The following AXL variants were observed in gnomAD, a reference collection of about 807,000 sequenced individuals.
The protein encoded by AXL is AXL receptor tyrosine kinase, also known as tyrosine-protein kinase receptor UFO.
AXL carries 52 observed loss-of-function variants against 104.5 expected under a neutral mutation model. The observed-to-expected ratio is 0.50, with a 90% CI of 0.40 to 0.63. AXL has a LOEUF of 0.63. Ranked by LOEUF, AXL falls within the 20% of genes least tolerant of loss-of-function variation. The pLI, the probability that AXL is intolerant of heterozygous loss-of-function variation, is 0.00. For missense variants in AXL, 1,024 were observed against 1,188.5 expected (o/e 0.86, Z 2.04); for synonymous variants, 455 against 473.7 (o/e 0.96, Z 0.51).
At chr19:41,225,506 T>C (rs1339152827) in intron 4 of AXL, among the ~76,000 whole-genome samples, 1 of 152,204 alleles carries the variant, frequency 6.6e-6, no homozygotes, top group African/African-American at 2.4e-5. Context: ...TGTTACGTGG[T>C]GTGTGTCTCT....
intron 2 of AXL, 111 bp from the exon 3 acceptor site, chr19:41,221,035 C>G (rs935662096): frequency 1.7e-6 from 2 of 1,191,162 alleles, no homozygotes; most frequent in Admixed American, 2.4e-5. Flanking sequence ...GGACATACTT[C>G]GTGGTTGTCA....
chr19:41,243,124 T>C (rs1599736436), intron 11 of AXL, 109 bp downstream of exon 11: 3 of 1,519,564 alleles, frequency 2.0e-6, no homozygotes, highest in East Asian at 2.3e-5. Context: ...AGAATCAGAA[T>C]GAGGGCAAGG....
In AXL at chr19:41,231,303, G is replaced by A. The variant is rs775637645; in HGVS notation, c.783+5G>A. The A allele has an allele frequency of 6.2e-7, 1 of 1,609,414 alleles. No individual in the cohort carries two copies. The highest frequency in any genetic ancestry group is 2.2e-5 in the East Asian group (1 of 44,830). ...CTGACCCACTGCACCCTGCAGGTGA[G>A]ACTCCCAAACTTGGTTCATTTCAGT... On this transcript the variant is annotated splice_donor_5th_base_variant and intron_variant, in intron 6 of 19. Transcript: ENST00000301178.
chr19:41,230,551 T>C (rs936351292), intron 4 of AXL, among the ~76,000 whole-genome samples: 8 of 150,376 alleles, frequency 5.3e-5, no homozygotes, highest in Admixed American at 5.3e-4. Flanking sequence ...TGTGTCTGTG[T>C]GTATGAGTGT....
At chr19:41,257,470 C>CT (rs779094669) in intron 18 of AXL, 23 bp from the exon 19 acceptor site, 3 of 1,613,990 alleles carry the variant, frequency 1.9e-6, no homozygotes, top group East Asian at 4.5e-5. Context: ...GAGAGACTGT[C>CT]TAATTCCCTC....
rs750359676 is a variant in AXL, at chr19:41,238,029, C to T, written c.869C>T (p.Pro290Leu). The change falls in exon 7 of 20, where the codon CCC (proline) becomes CTC (leucine). Residue 290 changes from proline (P) to leucine (L), a missense_variant. Pro to Leu is a moderately conservative substitution (Grantham distance 98). This residue lies in a region of AXL where 332 missense variants were observed against 343.9 expected (regional missense o/e 0.97). Coordinates refer to ENST00000301178, the MANE Select transcript of AXL (RefSeq NM_021913.5). Reference protein sequence around the residue: ...EEPLTSQASVPPHQLRLGSLH... With the variant: ...EEPLTSQASVLPHQLRLGSLH... ...CCCCTCACCTCGCAAGCATCCGTGC[C>T]CCCCCATCAGCTTCGGCTAGGCAGC... is the stretch of plus-strand genomic sequence containing the variant. The T allele has an allele frequency of 1.2e-6, 2 of 1,613,924 alleles. No homozygotes were observed. The highest frequency in any genetic ancestry group is 8.5e-7 in the Non-Finnish European group (1 of 1,179,972).
rs201764420 is a variant in AXL at position 41,220,640 on chromosome 19, G to A, written c.90G>A (p.Thr30=). ...CGWACMAPRG[T]QAEESPFVGN... The stretch of plus-strand genomic sequence containing the variant: ...CTCTTCCCATCTCCCCTCCAGGCAC[G>A]CAGGCTGAAGAAAGTCCCTTCGTGG... Residue 30 remains threonine (T), a synonymous_variant, in exon 2 of 20, where the codon ACG becomes ACA. Transcript: ENST00000301178. The A allele has an allele frequency of 3.1e-5, 48 of 1,572,080 alleles. No homozygotes were observed. In the African/African-American group the frequency reaches 3.8e-4, roughly 12 times the overall value.
Position 41,219,464 on chromosome 19 carries a change from C to T in AXL, c.72C>T (p.Cys24=), listed in dbSNP as rs1389617751. 3 of 1,604,996 alleles carry T rather than the reference C, an allele frequency of 1.9e-6. No homozygotes were observed. The highest frequency in any genetic ancestry group is 2.2e-5 in the South Asian group (2 of 89,406). Residue 24 remains cysteine (C), a synonymous_variant, in exon 1 of 20, where the codon TGC becomes TGT. Coordinates refer to ENST00000301178, the MANE Select transcript of AXL (RefSeq NM_021913.5). ...GCTTGGCGCTGTGCGGCTGGGCGTG[C>T]ATGGCCCCCAGGGGTGAGTGATGGG... ...AWCLALCGWA[C]MAPRGTQAEE... is the part of the protein sequence containing the mutation.
chr19:41,245,763 G>GA (rs2034261644), intron 12 of AXL, among the ~76,000 whole-genome samples: 1 of 150,200 alleles, frequency 6.7e-6, no homozygotes, highest in Non-Finnish European at 1.5e-5. Flanking sequence ...TAGGGAAACT[G>GA]AAATCCAGAA....
chr19:41,238,875 T>C (rs182545171), intron 8 of AXL, among the ~76,000 whole-genome samples: 9 of 152,176 alleles, frequency 5.9e-5, no homozygotes, highest in Admixed American at 5.9e-4. Context: ...CAGATAGTTA[T>C]ATAGCACCTT....
intron 4 of AXL, 87 bp from the exon 5 acceptor site, chr19:41,230,880 A>C: frequency 7.2e-7 from 1 of 1,383,786 alleles, no homozygotes; most frequent in South Asian, 1.2e-5. Flanking sequence ...CTGGTCAGGC[A>C]GGCCATGGTA....
intron 12 of AXL, among the ~76,000 whole-genome samples, chr19:41,246,915 A>G (rs2034281527): frequency 6.6e-6 from 1 of 152,108 alleles, no homozygotes; most frequent in African/African-American, 2.4e-5. Flanking sequence ...AGCTCTTTCT[A>G]GTCCTCAATA....
intron 8 of AXL, 74 bp from the exon 9 acceptor site, chr19:41,239,090 C>T (rs1207225585): frequency 4.5e-6 from 7 of 1,549,770 alleles, no homozygotes; most frequent in Non-Finnish European, 2.6e-6. Context: ...AGAGATGGGG[C>T]ATTGAGCCCG....
rs1400494539 is a variant in AXL, at chr19:41,237,927, C to G, written c.784-17C>G. The G allele has an allele frequency of 6.2e-7, 1 of 1,610,796 alleles. No individual in the cohort carries two copies. The highest frequency in any genetic ancestry group is 8.5e-7 in the Non-Finnish European group (1 of 1,177,086). On this transcript the variant is annotated splice_polypyrimidine_tract_variant and intron_variant, in intron 6 of 19. Coordinates refer to ENST00000301178, the MANE Select transcript of AXL (RefSeq NM_021913.5). Reference sequence around the variant, plus strand: ...ATTGCTTGGCTGTCCCGTCCTCACACCCTTGCCTCTCCTCAGGCTGTGCTG... The same window carrying G: ...ATTGCTTGGCTGTCCCGTCCTCACAGCCTTGCCTCTCCTCAGGCTGTGCTG...
rs1391624174 is a variant in AXL at position 41,245,249 on chromosome 19, C to T, written c.1537+1542C>T. 1.3e-5 allele frequency among the ~76,000 whole-genome samples: 2 copies of T among 152,194 alleles called. 1 individual carries two copies. Among genetic ancestry groups the T allele is most frequent in the Non-Finnish European group, 2.9e-5 (2 of 68,042 alleles). ...ACTCTGAACTGCCACACTCTACTAC[C>T]TCTTGGAATTATAAATTGGTAGAGA... On this transcript the variant is annotated intron_variant, in intron 12 of 19. Coordinates refer to ENST00000301178, the MANE Select transcript of AXL (RefSeq NM_021913.5).
At chr19:41,258,008 C>T (rs925503990) in intron 19 of AXL, among the ~76,000 whole-genome samples, 1 of 152,280 alleles carries the variant, frequency 6.6e-6, no homozygotes, top group African/African-American at 2.4e-5. Flanking sequence ...TGCTCCTCAA[C>T]ACCTGAGACT....
chr19:41,254,969 CGAT>C (rs1265320199), intron 17 of AXL, among the ~76,000 whole-genome samples: 1 of 152,122 alleles, frequency 6.6e-6, no homozygotes, highest in Non-Finnish European at 1.5e-5. Context: ...CAGCTCAGCT[CGAT>C]GAATTTTTAT....
At chr19:41,244,042 C>CA (rs1004212646) in intron 12 of AXL, among the ~76,000 whole-genome samples, 138 of 141,136 alleles carry the variant, frequency 9.8e-4, no homozygotes, top group East Asian at 5.6e-3. Context: ...CCTGTCTCTA[C>CA]AAAAAAAAAA....
chr19:41,221,403 G>A, intron 3 of AXL, 157 bp downstream of exon 3: 1 of 635,824 alleles, frequency 1.6e-6, no homozygotes. Flanking sequence ...AGTTTTGGGT[G>A]GTCAAGAAGC....
Sources: allele counts gnomAD v4.1 joint callset (sites outside exome capture counted in the v4.1 genomes callset), GRCh38; gene constraint gnomAD v4.1.1; regional missense constraint gnomAD v4.1.1; transcripts MANE v1.5; gene names NCBI Gene and HGNC (gene_info 2026-07-23, HGNC 2026-07-21).